Variants in NOTCH3 observed in about 807,000 individuals in gnomAD.
NOTCH3 encodes the protein notch receptor 3.
A neutral mutation model predicts 213.3 loss-of-function variants in NOTCH3; 86 were observed. The observed-to-expected ratio is 0.40, with a 90% confidence interval of 0.34 to 0.48. NOTCH3 has a LOEUF of 0.48. Among genes scored for constraint, NOTCH3 ranks in the 20% least tolerant of loss-of-function variants. The pLI is 0.57. For synonymous variants in NOTCH3, 1,354 were observed against 1,355.9 expected (o/e 1.00, Z 0.03); for missense variants, 2,783 against 3,272.6 (o/e 0.85, Z 3.65).
rs1381908152 is a variant in NOTCH3 at position 15,181,591 on chromosome 19, G to A, written c.2777C>T (p.Pro926Leu). 3.9e-6 allele frequency: 6 copies of A among 1,550,356 alleles called. No individual in the cohort carries two copies. The highest frequency in any genetic ancestry group is 5.2e-6 in the Non-Finnish European group (6 of 1,146,650). Residue 926 changes from proline (P) to leucine (L), a missense_variant, in exon 17 of 33, where the codon CCC (proline) becomes CTC (leucine). Pro to Leu is a moderately conservative substitution (Grantham distance 98). Transcript: ENST00000263388. Reference sequence around the variant, plus strand: ...CCCCGCCCACCTGGGGCTGCAGTCGGGCAGGTCCTGTTCGCAGTGGAAGCC... The same window carrying A: ...CCCCGCCCACCTGGGGCTGCAGTCGAGCAGGTCCTGTTCGCAGTGGAAGCC... ...YGGFHCEQDLPDCSPSSCFNG... is the reference protein window; with the variant it reads ...YGGFHCEQDLLDCSPSSCFNG...
chr19:15,160,397 G>A lies in NOTCH3; in HGVS notation c.*265C>T, dbSNP rs1245888751. 10 of 522,166 alleles carry A rather than the reference G, an allele frequency of 1.9e-5. 1 individual carries two copies. The Admixed American group carries it at 3.4e-4, about 18-fold the overall frequency. 32.3% of individuals were successfully genotyped at this position (522,166 alleles called of 1,614,324 possible). ...CCAGAAGGAGAGAGAAAGGAATGAGGGAAGAGAGAAGTGGGGAAGAAGGAG... is the reference window on the plus strand; with the variant it reads ...CCAGAAGGAGAGAGAAAGGAATGAGAGAAGAGAGAAGTGGGGAAGAAGGAG... On this transcript the variant is annotated 3_prime_UTR_variant, in exon 33 of 33. Transcript: ENST00000263388.
rs769483312 is a variant in NOTCH3, at chr19:15,167,368, C to T, written c.5243G>A (p.Arg1748His). The change falls in exon 29 of 33, where the codon CGT becomes CAT. Residue 1748 changes from arginine (R) to histidine (H), a missense_variant. Coordinates refer to ENST00000263388, the MANE Select transcript of NOTCH3 (RefSeq NM_000435.3). The stretch of plus-strand genomic sequence containing the variant: ...AACCAGATGGTGTTGAGTCCACTGA[C>T]GGCAATCCACAGCCTCCTCAGCCCC... ...GMGAEEAVDCRQWTQHHLVAA... is the reference protein window; with the variant it reads ...GMGAEEAVDCHQWTQHHLVAA... 1.1e-5 allele frequency: 18 copies of T among 1,610,826 alleles called. No individual in the cohort carries two copies. Among genetic ancestry groups the T allele is most frequent in the African/African-American group, 1.3e-5 (1 of 74,924 alleles).
At chr19:15,198,564 A>G (rs1599401678) in intron 1 of NOTCH3, among the ~76,000 whole-genome samples, 2 of 152,348 alleles carry the variant, frequency 1.3e-5, no homozygotes, top group African/African-American at 4.8e-5. Flanking sequence ...CAGCCTGGCC[A>G]ACACAGTGAA....
chr19:15,179,218 C>T lies in NOTCH3; in HGVS notation c.3525G>A (p.Arg1175=). ...CCACGCAGGTGCCATTGTGTAGGCA[C>T]CGGGGCCCTGAGTCCAGCGGTGGGC... ...GPGPPLDSGP[R]CLHNGTCVDL... is the part of the protein sequence containing the mutation. The change falls in exon 22 of 33, where the codon CGG becomes CGA. Residue 1175 remains arginine, a synonymous_variant. Coordinates refer to ENST00000263388, the MANE Select transcript of NOTCH3 (RefSeq NM_000435.3). 2 of 1,613,962 alleles carry T rather than the reference C, an allele frequency of 1.2e-6. No homozygotes were observed. The highest frequency in any genetic ancestry group is 1.7e-6 in the Non-Finnish European group (2 of 1,179,998).
Position 15,185,137 on chromosome 19 carries a change from G to T in NOTCH3, c.2297-118C>A. The T allele has an allele frequency of 7.0e-7, 1 of 1,432,258 alleles. No individual in the cohort carries two copies. 88.7% of individuals were successfully genotyped at this position (1,432,258 alleles called of 1,614,324 possible). A position where few individuals can be genotyped will look rare whatever the true frequency, so the allele number is the denominator to read the frequency against. On this transcript the variant is annotated intron_variant, in intron 14 of 32. Transcript: ENST00000263388. This position sits in a 1 kb window ranked among gnomAD's most constrained non-coding sequence, Gnocchi z 4.2. ...CTTGATACCCACCTCCCAAGCTCCT[G>T]GAGGGAAATGATTGAAAGCAAAAAA...
At chr19:15,195,580 C>T (rs550076939) in intron 2 of NOTCH3, among the ~76,000 whole-genome samples, 1 of 152,128 alleles carries the variant, frequency 6.6e-6, no homozygotes, top group South Asian at 2.1e-4. Flanking sequence ...CGCAAGATCC[C>T]CCCCACCCCG....
chr19:15,166,515 GA>G (rs1239827700), intron 29 of NOTCH3, among the ~76,000 whole-genome samples: 7 of 151,894 alleles, frequency 4.6e-5, no homozygotes, highest in South Asian at 2.1e-4. Context: ...AAGGGGGGGG[GA>G]AAAAAAGAGC....
At chr19:15,199,674 G>A (rs1243119979) in intron 1 of NOTCH3, among the ~76,000 whole-genome samples, 1 of 152,214 alleles carries the variant, frequency 6.6e-6, no homozygotes, top group East Asian at 1.9e-4. Flanking sequence ...CTAGAGCTAT[G>A]TGTGCCAGCG....
At chr19:15,174,665 C>G (rs1044179466) in intron 24 of NOTCH3, among the ~76,000 whole-genome samples, 3 of 151,970 alleles carry the variant, frequency 2.0e-5, no homozygotes, top group African/African-American at 7.3e-5. Flanking sequence ...CCTCCACCTC[C>G]CCGGTTCCAG....
At position 15,159,581 on chromosome 19, in the gene NOTCH3, G is replaced by T. The variant is rs1599357666; in HGVS notation, c.*1081C>A. 9.0e-6 allele frequency: 2 copies of T among 221,328 alleles called. No individual in the cohort carries two copies. The highest frequency in any genetic ancestry group is 1.3e-4 in the East Asian group (2 of 15,188). 13.7% of individuals were successfully genotyped at this position (221,328 alleles called of 1,614,324 possible). A position where few individuals can be genotyped will look rare whatever the true frequency, so the allele number is the denominator to read the frequency against. ...AAGTTAGCCCTGGGTGGGGGAGATA[G>T]AAGTCCCACTGCCACCACTCCCCAC... On this transcript the variant is annotated 3_prime_UTR_variant, in exon 33 of 33. Transcript: ENST00000263388.
intron 8 of NOTCH3, among the ~76,000 whole-genome samples, chr19:15,188,653 G>A (rs2046903676): frequency 6.7e-6 from 1 of 150,182 alleles, no homozygotes. Flanking sequence ...GCCCCCCATA[G>A]CCTTTGCCCA....
intron 28 of NOTCH3, among the ~76,000 whole-genome samples, chr19:15,169,884 C>CA (rs2046716377): frequency 6.6e-6 from 1 of 152,112 alleles, no homozygotes; most frequent in African/African-American, 2.4e-5. Context: ...CTTGGGGCCC[C>CA]AGTGGCAAAT....
Position 15,177,548 on chromosome 19 carries a change from G to T in NOTCH3, c.4380C>A (p.Ala1460=), listed in dbSNP as rs929619035. 11 of 1,610,244 alleles carry T rather than the reference G, an allele frequency of 6.8e-6. No homozygotes were observed. The highest frequency in any genetic ancestry group is 9.3e-6 in the Non-Finnish European group (11 of 1,178,910). The change falls in exon 24 of 33, where the codon GCC becomes GCA. Residue 1460 remains alanine (A), a synonymous_variant. Coordinates refer to ENST00000263388, the MANE Select transcript of NOTCH3 (RefSeq NM_000435.3). ...ACLYDNFDCH[A]GGRERTCNPV... ...ACTTGCAAGTGCGCTCGCGGCCACC[G>T]GCGTGGCAGTCGAAGTTGTCGTAGA...
Position 15,178,809 on chromosome 19 carries a change from C to T in NOTCH3, c.3837+14G>A. 1 of 1,575,712 alleles carries T rather than the reference C, an allele frequency of 6.3e-7. No individual in the cohort carries two copies. Among genetic ancestry groups the T allele is most frequent in the East Asian group, 2.3e-5 (1 of 43,560 alleles). On this transcript the variant is annotated intron_variant, in intron 23 of 32. Transcript: ENST00000263388. ...GCCCCTACTCCTCCTCCAAAGGCCG[C>T]CACCCACACCTACCTGGGCACAGTG...
At chr19:15,170,259 G>C (rs2046720468) in intron 27 of NOTCH3, 72 bp downstream of exon 27, 8 of 1,529,406 alleles carry the variant, frequency 5.2e-6, no homozygotes, top group Non-Finnish European at 7.2e-6. Flanking sequence ...AGAGGTCTGA[G>C]TCAGGTCAAG....
chr19:15,198,984 A>G (rs1599402021), intron 1 of NOTCH3, among the ~76,000 whole-genome samples: 1 of 152,130 alleles, frequency 6.6e-6, no homozygotes, highest in African/African-American at 2.4e-5. Context: ...GTCGAGCTGA[A>G]CCTGAGCATG....
chr19:15,173,345 C>G (rs1323669574), intron 25 of NOTCH3, among the ~76,000 whole-genome samples: 1 of 147,342 alleles, frequency 6.8e-6, no homozygotes, highest in Non-Finnish European at 1.5e-5. Context: ...TGGCATGAAC[C>G]CGGGAGGCGG....
chr19:15,161,685 G>C lies in NOTCH3; in HGVS notation c.5943C>G (p.Arg1981=). The C allele has an allele frequency of 6.2e-7, 1 of 1,613,884 alleles. No homozygotes were observed. The highest frequency in any genetic ancestry group is 8.5e-7 in the Non-Finnish European group (1 of 1,179,938). ...GCTTGGCAGCCTCATAGCTGCCCTCGCGGGCGGCCAGGAATAGGGGGGTCT... is the reference window on the plus strand; with the variant it reads ...GCTTGGCAGCCTCATAGCTGCCCTCCCGGGCGGCCAGGAATAGGGGGGTCT... ...KEETPLFLAA[R]EGSYEAAKLL... is the part of the protein sequence containing the mutation. Residue 1981 remains arginine (R), a synonymous_variant, in exon 33 of 33, where the codon CGC becomes CGG. Coordinates refer to ENST00000263388, the MANE Select transcript of NOTCH3 (RefSeq NM_000435.3).
At chr19:15,184,037 CAAAAAAAA>C (rs34518539) in intron 16 of NOTCH3, among the ~76,000 whole-genome samples, 3 of 27,632 alleles carry the variant, frequency 1.1e-4, no homozygotes, top group African/African-American at 2.0e-4. Context: ...GACTCTGTCT[CAAAAAAAA>C]AAAAAAAAAA....
Sources: allele counts gnomAD v4.1 joint callset (sites outside exome capture counted in the v4.1 genomes callset), GRCh38; gene constraint gnomAD v4.1.1; non-coding constraint Gnocchi (gnomAD v3.1); transcripts MANE v1.5; gene names NCBI Gene and HGNC (gene_info 2026-07-23, HGNC 2026-07-21).